Variants in SMAD6 observed in about 807,000 individuals in gnomAD.
SMAD6 encodes SMAD family member 6.
A neutral mutation model predicts 39.4 loss-of-function variants in SMAD6; 103 were observed. The observed-to-expected ratio is 2.62, with a 90% confidence interval of 2.23 to 3.08. The LOEUF (loss-of-function observed/expected upper bound fraction) is 3.08, where lower values mean the gene tolerates loss of function less well. Among genes scored for constraint, SMAD6 ranks in the 30% most tolerant of loss-of-function variants. SMAD6 has a pLI of 0.00. For missense variants in SMAD6, 1,104 were observed against 742.9 expected (o/e 1.49, Z -5.65); for synonymous variants, 445 against 353.3 (o/e 1.26, Z -2.91).
At position 66,781,849 on chromosome 15, in the gene SMAD6, A is replaced by C. The variant is rs1224989466; in HGVS notation, c.*314A>C. On this transcript the variant is annotated 3_prime_UTR_variant, in exon 4 of 4. Coordinates refer to ENST00000288840, the MANE Select transcript of SMAD6 (RefSeq NM_005585.5). ...TTTCTCTTCCTCCTTCCTCTTCCTT[A>C]CTTTTTATATATATATATAAAGAAA... is the stretch of plus-strand genomic sequence containing the variant. 2 of 398,006 alleles carry C rather than the reference A, an allele frequency of 5.0e-6. No homozygotes were observed. Among genetic ancestry groups the C allele is most frequent in the Non-Finnish European group, 8.8e-6 (2 of 226,028 alleles). 24.7% of individuals were successfully genotyped at this position (398,006 alleles called of 1,614,324 possible).
At position 66,703,317 on chromosome 15, in the gene SMAD6, C is replaced by G. The variant is rs1272318834; in HGVS notation, c.59C>G (p.Pro20Arg). The G allele has an allele frequency of 1.3e-6, 2 of 1,487,484 alleles. No individual in the cohort carries two copies. The highest frequency in any genetic ancestry group is 2.3e-5 in the Admixed American group (1 of 42,706). 92.1% of individuals were successfully genotyped at this position (1,487,484 alleles called of 1,614,324 possible). ...CGACTTTGGCGAAGTCGTGTGGTCC[C>G]CGACCGGGAGGAAGGCGGCAGCGGC... ...VRRLWRSRVV[P>R]DREEGGSGGG... The change falls in exon 1 of 4, where the codon CCC becomes CGC. Residue 20 changes from proline to arginine, a missense_variant. Transcript: ENST00000288840.
At chr15:66,762,808 G>C (rs1053664586) in intron 3 of SMAD6, among the ~76,000 whole-genome samples, 1 of 152,098 alleles carries the variant, frequency 6.6e-6, no homozygotes, top group African/African-American at 2.4e-5. Flanking sequence ...GTGGTAGGAT[G>C]CTTGCACAGT....
chr15:66,775,926 A>G (rs918341170), intron 3 of SMAD6, among the ~76,000 whole-genome samples: 4 of 152,212 alleles, frequency 2.6e-5, no homozygotes, highest in Admixed American at 6.5e-5. Flanking sequence ...GGGGCTGTGC[A>G]GCTGTGGGAA....
chr15:66,751,942 G>A (rs936173943), intron 3 of SMAD6, among the ~76,000 whole-genome samples: 10 of 152,028 alleles, frequency 6.6e-5, no homozygotes, highest in Non-Finnish European at 1.3e-4. Flanking sequence ...GGGCCAGCCT[G>A]CCTTTCCTCC....
rs1893029934 is a variant in SMAD6 at position 66,703,576 on chromosome 15, C to T, written c.318C>T (p.Asp106=). The T allele has an allele frequency of 4.1e-6, 5 of 1,225,614 alleles. No homozygotes were observed. Among genetic ancestry groups the T allele is most frequent in the Non-Finnish European group, 5.1e-6 (5 of 981,066 alleles). The allele number at this position is 1,225,614 out of a possible 1,614,324, so 75.9% of individuals were successfully genotyped here. The change falls in exon 1 of 4, where the codon GAC becomes GAT. Residue 106 remains aspartate, a synonymous_variant. Transcript: ENST00000288840. ...CCGGCGCTGGGAGCTCCCTGCTGGA[C>T]GTGGCGGAGCCGGGAGGCCCGGGCT... is the stretch of plus-strand genomic sequence containing the variant. ...PGAGAGSSLL[D]VAEPGGPGWL...
rs1894589615 is a variant in SMAD6, at chr15:66,782,118, A to C, written c.*583A>C. The C allele has an allele frequency of 2.5e-6, 1 of 392,970 alleles. No homozygotes were observed. 24.3% of individuals were successfully genotyped at this position (392,970 alleles called of 1,614,324 possible). ...ACTTTTATTGGATAAAGACAGAACA[A>C]ATTGAAAAGGGAGGAAAGTCACATT... On this transcript the variant is annotated 3_prime_UTR_variant, in exon 4 of 4. Transcript: ENST00000288840.
rs1432484534 is a variant in SMAD6, at chr15:66,782,033, GC to G, written c.*499del. Reference sequence around the variant, plus strand: ...CTTTTTACAAAGAGGGGCAGGTAGGGCTTCAGCGGATTTCTGACCCATCATG... The same window carrying G: ...CTTTTTACAAAGAGGGGCAGGTAGGGTTCAGCGGATTTCTGACCCATCATG... On this transcript the variant is annotated 3_prime_UTR_variant, in exon 4 of 4. Coordinates refer to ENST00000288840, the MANE Select transcript of SMAD6 (RefSeq NM_005585.5). 2.5e-6 allele frequency: 1 copy of G among 398,374 alleles called. No homozygotes were observed. The highest frequency in any genetic ancestry group is 4.4e-6 in the Non-Finnish European group (1 of 225,962). The allele number at this position is 398,374 out of a possible 1,614,324, so 24.7% of individuals were successfully genotyped here. A position where few individuals can be genotyped will look rare whatever the true frequency, so the allele number is the denominator to read the frequency against.
intron 3 of SMAD6, among the ~76,000 whole-genome samples, chr15:66,718,116 G>C (rs1156605777): frequency 9.6e-6 from 1 of 104,144 alleles, no homozygotes; most frequent in Non-Finnish European, 2.2e-5. Flanking sequence ...AAGTCCGTGT[G>C]TGTGTGTGTG....
At chr15:66,757,964 C>T (rs1402352070) in intron 3 of SMAD6, among the ~76,000 whole-genome samples, 3 of 152,196 alleles carry the variant, frequency 2.0e-5, no homozygotes, top group East Asian at 1.9e-4. Flanking sequence ...ACCAGCAGAG[C>T]CCAGAGGGGC....
At chr15:66,719,412 C>A (rs1465172395) in intron 3 of SMAD6, among the ~76,000 whole-genome samples, 1 of 151,982 alleles carries the variant, frequency 6.6e-6, no homozygotes, top group Non-Finnish European at 1.5e-5. Flanking sequence ...CACTACTGGA[C>A]AAACCTTGGG....
Position 66,775,851 on chromosome 15 carries a change from C to T in SMAD6, c.953-5146C>T, listed in dbSNP as rs138907189. Among the ~76,000 whole-genome samples, 33 of 152,356 alleles carry T rather than the reference C, an allele frequency of 2.2e-4. 1 individual carries two copies. The highest frequency in any genetic ancestry group is 7.9e-4 in the African/African-American group (33 of 41,576). The stretch of plus-strand genomic sequence containing the variant: ...GAACCACGAGGAGAAAAAGATCCTT[C>T]TGTAAGAGACTGTCCCCTCACCTGA... On this transcript the variant is annotated intron_variant, in intron 3 of 3. Transcript: ENST00000288840.
rs1391504866 is a variant in SMAD6, at chr15:66,781,314, G to A, written c.1270G>A (p.Ala424Thr). 2 of 1,600,384 alleles carry A rather than the reference G, an allele frequency of 1.2e-6. No individual in the cohort carries two copies. Among genetic ancestry groups the A allele is most frequent in the South Asian group, 2.2e-5 (2 of 90,842 alleles). Residue 424 changes from alanine (A) to threonine (T), a missense_variant, in exon 4 of 4, where the codon GCC becomes ACC. By Grantham distance (58) the Ala-to-Thr change is moderately conservative. Coordinates refer to ENST00000288840, the MANE Select transcript of SMAD6 (RefSeq NM_005585.5). ...SPTLDAPGGRALVVRKVPPGY... is the reference protein window; with the variant it reads ...SPTLDAPGGRTLVVRKVPPGY... ...GACGCTGGACGCGCCCGGCGGCCGC[G>A]CCCTGGTCGTGCGCAAGGTGCCCCC...
Position 66,766,723 on chromosome 15 carries a change from C to T in SMAD6, c.953-14274C>T, listed in dbSNP as rs565567768. Among the ~76,000 whole-genome samples, 161 of 152,302 alleles carry T rather than the reference C, an allele frequency of 1.1e-3. No homozygotes were observed. The East Asian group carries it at 0.015, about 14-fold the overall frequency. ...AAAGGCACCCCCTCCTCTCACCTATCACACAGGTCCCTGTAGCTGCAAACA... is the reference window on the plus strand; with the variant it reads ...AAAGGCACCCCCTCCTCTCACCTATTACACAGGTCCCTGTAGCTGCAAACA... On this transcript the variant is annotated intron_variant, in intron 3 of 3. Transcript: ENST00000288840.
At chr15:66,727,716 CTG>C (rs1893547270) in intron 3 of SMAD6, among the ~76,000 whole-genome samples, 1 of 152,182 alleles carries the variant, frequency 6.6e-6, no homozygotes. Context: ...ACACGGATGA[CTG>C]TGGGCTTAGC....
rs913087158 is a variant in SMAD6 at position 66,703,551 on chromosome 15, C to T, written c.293C>T (p.Ala98Val). 10 of 1,221,830 alleles carry T rather than the reference C, an allele frequency of 8.2e-6. No individual in the cohort carries two copies. The African/African-American group carries it at 1.6e-4, about 19-fold the overall frequency. 75.7% of individuals were successfully genotyped at this position (1,221,830 alleles called of 1,614,324 possible). A position where few individuals can be genotyped will look rare whatever the true frequency, so the allele number is the denominator to read the frequency against. ...GPPRPMSEPG[A>V]GAGSSLLDVA... ...CCGAGGCCCATGTCGGAGCCAGGGGCCGGCGCTGGGAGCTCCCTGCTGGAC... is the reference window on the plus strand; with the variant it reads ...CCGAGGCCCATGTCGGAGCCAGGGGTCGGCGCTGGGAGCTCCCTGCTGGAC... The change falls in exon 1 of 4, where the codon GCC (alanine) becomes GTC (valine). Residue 98 changes from alanine (A) to valine (V), a missense_variant. Transcript: ENST00000288840.
At chr15:66,754,482 A>C (rs1007230577) in intron 3 of SMAD6, among the ~76,000 whole-genome samples, 1 of 152,216 alleles carries the variant, frequency 6.6e-6, no homozygotes, top group Non-Finnish European at 1.5e-5. Flanking sequence ...GCAGGAGCTC[A>C]GTGAATGCGT....
chr15:66,711,501 T>G (rs1230093762), intron 1 of SMAD6, among the ~76,000 whole-genome samples, 167 bp from the exon 2 acceptor site: 5 of 152,220 alleles, frequency 3.3e-5, no homozygotes, highest in Non-Finnish European at 1.5e-5. Flanking sequence ...GCCCCAAGCC[T>G]GCGGCTTTAA....
chr15:66,711,564 G>C (rs1893226647), intron 1 of SMAD6, 104 bp from the exon 2 acceptor site: 1 of 902,976 alleles, frequency 1.1e-6, no homozygotes, highest in Admixed American at 1.7e-5. Flanking sequence ...AGGGCTTCCT[G>C]GAGGCTGAGT....
At chr15:66,712,102 A>G (rs1893243668) in intron 2 of SMAD6, among the ~76,000 whole-genome samples, 1 of 152,056 alleles carries the variant, frequency 6.6e-6, no homozygotes, top group Admixed American at 6.5e-5. Context: ...TCTCCTTTAG[A>G]GTGTATTAAT....
Sources: gnomAD v4.1 joint callset for allele counts (sites outside exome capture counted in the v4.1 genomes callset) on GRCh38, gnomAD v4.1.1 for gene constraint, MANE v1.5 for transcripts, NCBI Gene and HGNC (gene_info 2026-07-23, HGNC 2026-07-21) for gene names.